Variants in CSMD2 observed in about 807,000 individuals in gnomAD.
CSMD2 encodes the protein CUB and Sushi multiple domains 2.
CSMD2 carries 130 observed loss-of-function variants against 398.5 expected under a neutral mutation model. The observed-to-expected ratio is 0.33, with a 90% confidence interval of 0.28 to 0.38. The LOEUF (loss-of-function observed/expected upper bound fraction) is 0.38, where lower values mean the gene tolerates loss of function less well. CSMD2 is among the 10% of genes least tolerant of loss of function. The probability of loss-of-function intolerance (pLI) is 1.00; values close to 1 mark genes in which losing one functional copy is unlikely to be tolerated. For missense variants in CSMD2, 3,829 were observed against 4,764.9 expected (o/e 0.80, Z 5.78); for synonymous variants, 1,828 against 1,908.5 (o/e 0.96, Z 1.10).
intron 5 of CSMD2, among the ~76,000 whole-genome samples, chr1:33,855,322 C>A (rs1013178559): frequency 6.6e-6 from 1 of 152,092 alleles, no homozygotes; most frequent in Non-Finnish European, 1.5e-5. Flanking sequence ...TCATGTGTCC[C>A]AAGCTGGGCC....
chr1:33,758,223 C>T (rs1253635109), intron 13 of CSMD2, among the ~76,000 whole-genome samples: 1 of 152,102 alleles, frequency 6.6e-6, no homozygotes, highest in Non-Finnish European at 1.5e-5. Flanking sequence ...GTATTTTTGC[C>T]CCAGTGATTT....
At chr1:34,127,721 T>C (rs1408083746) in intron 1 of CSMD2, among the ~76,000 whole-genome samples, 1 of 151,938 alleles carries the variant, frequency 6.6e-6, no homozygotes, top group East Asian at 1.9e-4. Flanking sequence ...AGGTTAGAGA[T>C]GTGAGTTCGC....
At chr1:33,547,761 A>G (rs1413394908) in intron 56 of CSMD2, among the ~76,000 whole-genome samples, 2 of 152,244 alleles carry the variant, frequency 1.3e-5, no homozygotes, top group African/African-American at 4.8e-5. Context: ...CACAACAGGC[A>G]GAACTGGGTC....
intron 24 of CSMD2, among the ~76,000 whole-genome samples, chr1:33,698,227 G>A (rs1645487266): frequency 6.6e-6 from 1 of 152,228 alleles, no homozygotes; most frequent in South Asian, 2.1e-4. Context: ...GGTTTAAGAA[G>A]ATGCAAGTTC....
chr1:34,117,929 A>G (rs1374759616), intron 1 of CSMD2, among the ~76,000 whole-genome samples: 1 of 152,170 alleles, frequency 6.6e-6, no homozygotes, highest in Non-Finnish European at 1.5e-5. Flanking sequence ...AAAAACACTC[A>G]GCCAGGCGTG....
intron 13 of CSMD2, among the ~76,000 whole-genome samples, chr1:33,743,853 G>T (rs1647169503): frequency 6.6e-6 from 1 of 152,136 alleles, no homozygotes; most frequent in African/African-American, 2.4e-5. Context: ...TCTTCTCTTG[G>T]CCCCTCTCCC....
intron 1 of CSMD2, among the ~76,000 whole-genome samples, chr1:34,095,068 C>T (rs1659119090): frequency 8.7e-6 from 1 of 114,742 alleles, no homozygotes; most frequent in African/African-American, 3.4e-5. Flanking sequence ...TCTCTCAGAC[C>T]ACAGTGCAAT....
At chr1:34,140,407 C>T (rs753702154) in intron 1 of CSMD2, among the ~76,000 whole-genome samples, 2 of 151,868 alleles carry the variant, frequency 1.3e-5, no homozygotes, top group African/African-American at 2.4e-5. Context: ...GCAAAGGCAC[C>T]GCCACTTGCA....
chr1:33,818,877 G>A (rs912906893), intron 9 of CSMD2, among the ~76,000 whole-genome samples: 6 of 152,126 alleles, frequency 3.9e-5, no homozygotes, highest in Admixed American at 6.5e-5. Context: ...ATTTTATCTT[G>A]ATGCATATGC....
At chr1:33,981,773 AGAG>A (rs1646176476) in intron 3 of CSMD2, among the ~76,000 whole-genome samples, 2 of 152,234 alleles carry the variant, frequency 1.3e-5, no homozygotes, top group Admixed American at 6.5e-5. Flanking sequence ...ACAGGCCATC[AGAG>A]GAGAACCCCT....
chr1:34,131,892 C>A (rs930986934), intron 1 of CSMD2, among the ~76,000 whole-genome samples: 1 of 152,136 alleles, frequency 6.6e-6, no homozygotes, highest in Non-Finnish European at 1.5e-5. Context: ...CCTGAAAATA[C>A]TTCTGAGCGC....
intron 44 of CSMD2, among the ~76,000 whole-genome samples, chr1:33,590,383 C>T (rs1316830288): frequency 6.7e-6 from 1 of 149,560 alleles, no homozygotes; most frequent in Non-Finnish European, 1.5e-5. Context: ...AGTGATCCTC[C>T]CACCTTGACC....
intron 3 of CSMD2, among the ~76,000 whole-genome samples, chr1:33,975,513 A>ACACACACAC (rs1553268750): frequency 6.6e-6 from 1 of 150,376 alleles, no homozygotes; most frequent in Non-Finnish European, 1.5e-5. Flanking sequence ...ACACACACAC[A>ACACACACAC]AGTGCATAAA....
intron 3 of CSMD2, among the ~76,000 whole-genome samples, chr1:33,961,867 G>C (rs1645373728): frequency 6.6e-6 from 1 of 152,162 alleles, no homozygotes; most frequent in South Asian, 2.1e-4. Flanking sequence ...TGTACAGCCT[G>C]CAGAACCATG....
At chr1:33,749,541 C>T (rs532567510) in intron 13 of CSMD2, among the ~76,000 whole-genome samples, 4 of 151,870 alleles carry the variant, frequency 2.6e-5, no homozygotes, top group Admixed American at 2.6e-4. Flanking sequence ...AAAAGAATAA[C>T]TGAACATGAT....
chr1:33,900,758 C>A (rs1490063726), intron 5 of CSMD2, among the ~76,000 whole-genome samples: 1 of 145,642 alleles, frequency 6.9e-6, no homozygotes, highest in Non-Finnish European at 1.5e-5. Flanking sequence ...CCAGCCTGGG[C>A]AACAAGGGCA....
At position 34,080,921 on chromosome 1, in the gene CSMD2, G is replaced by GGAAAGAAAGAAAGAAAGAAAGAAAGAAA. The variant is rs10522397; in HGVS notation, c.404+8028_404+8055dup. 6.8e-3 allele frequency among the ~76,000 whole-genome samples: 852 copies of GGAAAGAAAGAAAGAAAGAAAGAAAGAAA among 125,174 alleles called. 9 individuals are homozygous for GGAAAGAAAGAAAGAAAGAAAGAAAGAAA. The highest frequency in any genetic ancestry group is 0.018 in the Middle Eastern group (4 of 224). The allele number at this position is 125,174 out of a possible 152,430, so 82.1% of individuals were successfully genotyped here. The stretch of plus-strand genomic sequence containing the variant: ...AAACTTCTGGCAAGACTAACTGAGT[G>GGAAAGAAAGAAAGAAAGAAAGAAAGAAA]GAAAGAAAGAAAGAAAGAAAGAAAG... On this transcript the variant is annotated intron_variant, in intron 2 of 70. Transcript: ENST00000373381.
chr1:34,119,889 A>G (rs775833428), intron 1 of CSMD2, among the ~76,000 whole-genome samples: 15 of 152,220 alleles, frequency 9.9e-5, no homozygotes, highest in Non-Finnish European at 1.5e-4. Flanking sequence ...AAATAGAATT[A>G]CCATCTGATT....
chr1:34,000,678 A>C (rs2148031217), intron 3 of CSMD2, among the ~76,000 whole-genome samples: 1 of 152,326 alleles, frequency 6.6e-6, no homozygotes, highest in South Asian at 2.1e-4. Context: ...AGAAAGGAAG[A>C]AATGAATAAA....
Sources: allele counts gnomAD v4.1 joint callset (sites outside exome capture counted in the v4.1 genomes callset), GRCh38; gene constraint gnomAD v4.1.1; transcripts MANE v1.5; gene names NCBI Gene and HGNC (gene_info 2026-07-23, HGNC 2026-07-21).